The following ATP1A2 variants were observed in gnomAD, a reference collection of about 807,000 sequenced individuals.
ATP1A2 encodes the protein sodium/potassium-transporting ATPase subunit alpha-2.
Under a neutral mutation model 113.1 loss-of-function variants are expected in ATP1A2, and 56 were observed. That is an observed-to-expected ratio of 0.49 (90% confidence interval 0.40 to 0.62). The LOEUF (loss-of-function observed/expected upper bound fraction) is 0.62, where lower values mean the gene tolerates loss of function less well. Among genes scored for constraint, ATP1A2 ranks in the 20% least tolerant of loss-of-function variants. The probability of loss-of-function intolerance (pLI) is 0.00; values close to 1 mark genes in which losing one functional copy is unlikely to be tolerated. For missense variants in ATP1A2, 712 were observed against 1,357.8 expected, an observed-to-expected ratio of 0.52 and a Z score of 7.47; for synonymous variants, 490 against 526.8, an observed-to-expected ratio of 0.93 and a Z score of 0.96.
Position 160,129,980 on chromosome 1 carries a change from T to C in ATP1A2, c.1462-122T>C, listed in dbSNP as rs570201028. On this transcript the variant is annotated intron_variant, in intron 11 of 22. Transcript: ENST00000361216. ...CCCCCCTGCACAAGGAGATTCTCTT[T>C]GTTGACAATCTTTGATGGGTTGGGG... 17 of 1,274,826 alleles carry C rather than the reference T, an allele frequency of 1.3e-5. No homozygotes were observed. In the South Asian group the frequency reaches 2.1e-4, roughly 16 times the overall value. The allele number at this position is 1,274,826 out of a possible 1,614,324, so 79.0% of individuals were successfully genotyped here. A position where few individuals can be genotyped will look rare whatever the true frequency, so the allele number is the denominator to read the frequency against.
intron 13 of ATP1A2, among the ~76,000 whole-genome samples, chr1:160,130,829 A>C (rs1346569168): frequency 6.6e-6 from 1 of 152,156 alleles, no homozygotes; most frequent in Non-Finnish European, 1.5e-5. Flanking sequence ...CCTCCCTGGC[A>C]CAGCTCTTTG....
intron 17 of ATP1A2, 113 bp downstream of exon 17, chr1:160,136,106 G>A (rs1425462879): frequency 1.2e-6 from 2 of 1,600,714 alleles, no homozygotes; most frequent in Non-Finnish European, 1.7e-6. Flanking sequence ...CAGGAGACAG[G>A]CACAGGCCTG....
chr1:160,129,266 C>T lies in ATP1A2; in HGVS notation c.1327C>T (p.Arg443Trp), dbSNP rs1274611333. ...AGQENISVSK[R>W]DTAGDASESA... Reference sequence around the variant, plus strand: ...ACTGAATTCTTGTCTCTTCTGGCAGCGGGACACAGCTGGTGATGCCTCTGA... The same window carrying T: ...ACTGAATTCTTGTCTCTTCTGGCAGTGGGACACAGCTGGTGATGCCTCTGA... The change falls in exon 11 of 23, where the codon CGG becomes TGG. Residue 443 changes from arginine (R) to tryptophan (W), a missense_variant and splice_region_variant. Transcript: ENST00000361216. The T allele has an allele frequency of 5.0e-6, 8 of 1,614,114 alleles. No individual in the cohort carries two copies. Among genetic ancestry groups the T allele is most frequent in the South Asian group, 4.4e-5 (4 of 91,084 alleles).
At position 160,130,052 on chromosome 1, in the gene ATP1A2, G is replaced by A. The variant is rs767448675; in HGVS notation, c.1462-50G>A. On this transcript the variant is annotated intron_variant, in intron 11 of 22. Transcript: ENST00000361216. ...CTTACCAGCTGCTGCTCTATGCCGCGCTACCAAGACAAGTATGGCCCTCTC... is the reference window on the plus strand; with the variant it reads ...CTTACCAGCTGCTGCTCTATGCCGCACTACCAAGACAAGTATGGCCCTCTC... 2.3e-5 allele frequency: 37 copies of A among 1,611,040 alleles called. No homozygotes were observed. The East Asian group carries it at 6.2e-4, about 27-fold the overall frequency.
rs745431386 is a variant in ATP1A2, at chr1:160,123,239, C to T, written c.204C>T (p.Asp68=). 69 of 1,614,098 alleles carry T rather than the reference C, an allele frequency of 4.3e-5. No homozygotes were observed. Among genetic ancestry groups the T allele is most frequent in the Non-Finnish European group, 5.5e-5 (65 of 1,180,048 alleles). The change falls in exon 4 of 23, where the codon GAC becomes GAT. Residue 68 remains aspartate (D), a synonymous_variant. Transcript: ENST00000361216. The part of the protein sequence containing the change: ...SKGLTNQRAQ[D]VLARDGPNAL... The stretch of plus-strand genomic sequence containing the variant: ...GCCTCACCAACCAGCGGGCTCAGGA[C>T]GTTCTGGCTCGAGATGGGCCCAACG...
Position 160,135,419 on chromosome 1 carries a change from C to G in ATP1A2, c.2116-15C>G. 1 of 1,614,142 alleles carries G rather than the reference C, an allele frequency of 6.2e-7. No homozygotes were observed. Among genetic ancestry groups the G allele is most frequent in the South Asian group, 1.1e-5 (1 of 91,072 alleles). On this transcript the variant is annotated splice_polypyrimidine_tract_variant and intron_variant, in intron 15 of 22. Coordinates refer to ENST00000361216, the MANE Select transcript of ATP1A2 (RefSeq NM_000702.4). The surrounding 1 kb of genome is among the most constrained non-coding windows in gnomAD (Gnocchi z 6.3). ...GAAGGGGTTTCGTCCTCAAGTGTGG[C>G]CGTCTTCCCTCCAGGGAGCCATTGT...
At chr1:160,125,808 C>T (rs986003798) in intron 7 of ATP1A2, among the ~76,000 whole-genome samples, 5 of 152,212 alleles carry the variant, frequency 3.3e-5, no homozygotes, top group Non-Finnish European at 7.3e-5. Context: ...CAGTTTGCCC[C>T]ATCCCTGTTC....
chr1:160,137,295 G>A, intron 20 of ATP1A2: 1 of 513,286 alleles, frequency 1.9e-6, no homozygotes, highest in Non-Finnish European at 3.5e-6. Flanking sequence ...TCTCCTACTT[G>A]AGTGCCACCT....
At chr1:160,140,112 G>A in intron 22 of ATP1A2, 128 bp downstream of exon 22, 1 of 980,496 alleles carries the variant, frequency 1.0e-6, no homozygotes, top group Non-Finnish European at 1.6e-6. Context: ...TCAGATCCTG[G>A]GGTCCCAGGT....
intron 7 of ATP1A2, among the ~76,000 whole-genome samples, chr1:160,125,891 A>G (rs771325042): frequency 1.1e-4 from 16 of 152,234 alleles, no homozygotes; most frequent in Admixed American, 8.5e-4. Flanking sequence ...GGGTCCAAGC[A>G]CAACTGAAAC....
chr1:160,135,363 C>T lies in ATP1A2; in HGVS notation c.2115+68C>T. 12 of 1,614,152 alleles carry T rather than the reference C, an allele frequency of 7.4e-6. No individual in the cohort carries two copies. In the South Asian group the frequency reaches 1.3e-4, roughly 18 times the overall value. On this transcript the variant is annotated intron_variant, in intron 15 of 22. Coordinates refer to ENST00000361216, the MANE Select transcript of ATP1A2 (RefSeq NM_000702.4). The surrounding 1 kb of genome is among the most constrained non-coding windows in gnomAD (Gnocchi z 6.3). ...GAGGCAGGGACAGGGCCAAGACAAG[C>T]ATGGAGTGAGAGGCGAGGAGCCAGG... is the stretch of plus-strand genomic sequence containing the variant.
Position 160,135,389 on chromosome 1 carries a change from C to A in ATP1A2, c.2116-45C>A. The A allele has an allele frequency of 6.2e-7, 1 of 1,614,178 alleles. No homozygotes were observed. The highest frequency in any genetic ancestry group is 1.6e-4 in the Middle Eastern group (1 of 6,062). The stretch of plus-strand genomic sequence containing the variant: ...ATGGAGTGAGAGGCGAGGAGCCAGG[C>A]TTGGGAAGGGGTTTCGTCCTCAAGT... On this transcript the variant is annotated intron_variant, in intron 15 of 22. Transcript: ENST00000361216. This position sits in a 1 kb window ranked among gnomAD's most constrained non-coding sequence, Gnocchi z 6.3.
At chr1:160,123,079 C>A in intron 3 of ATP1A2, 134 bp from the exon 4 acceptor site, 2 of 998,836 alleles carry the variant, frequency 2.0e-6, no homozygotes, top group Non-Finnish European at 3.0e-6. Context: ...TCCTGATGGT[C>A]CCCCACCCCT....
intron 13 of ATP1A2, among the ~76,000 whole-genome samples, chr1:160,134,230 C>T (rs1335170855): frequency 2.5e-5 from 2 of 79,434 alleles, no homozygotes; most frequent in Non-Finnish European, 2.9e-5. Context: ...ACACACAATC[C>T]CCACCCACAC....
chr1:160,130,132 C>G lies in ATP1A2; in HGVS notation c.1492C>G (p.Gln498Glu), dbSNP rs970074764. Residue 498 changes from glutamine to glutamate, a missense_variant, in exon 12 of 23, where the codon CAG becomes GAG. Around this residue, in one of 6 missense-constraint regions of ATP1A2, gnomAD observed 263 missense variants for 380.6 expected, o/e 0.69. Transcript: ENST00000361216. ...TATCCACGAGCGAGAAGACAGCCCCCAGAGCCACGTGCTGGTGATGAAGGG... is the reference window on the plus strand; with the variant it reads ...TATCCACGAGCGAGAAGACAGCCCCGAGAGCCACGTGCTGGTGATGAAGGG... ...LSIHEREDSPQSHVLVMKGAP... is the reference protein window; with the variant it reads ...LSIHEREDSPESHVLVMKGAP... 10 of 1,614,240 alleles carry G rather than the reference C, an allele frequency of 6.2e-6. No homozygotes were observed. The highest frequency in any genetic ancestry group is 1.3e-5 in the African/African-American group (1 of 75,058).
In ATP1A2 at chr1:160,130,290, G is replaced by T. The variant is rs775807326; in HGVS notation, c.1650G>T (p.Leu550=). 6.2e-7 allele frequency: 1 copy of T among 1,614,150 alleles called. No individual in the cohort carries two copies. Among genetic ancestry groups the T allele is most frequent in the Non-Finnish European group, 8.5e-7 (1 of 1,180,026 alleles). The change falls in exon 12 of 23, where the codon CTG becomes CTT. Residue 550 remains leucine, a splice_region_variant and synonymous_variant. Coordinates refer to ENST00000361216, the MANE Select transcript of ATP1A2 (RefSeq NM_000702.4). The part of the protein sequence containing the change: ...MELGGLGERV[L]GFCQLNLPSG... Reference sequence around the variant, plus strand: ...TGGGGGGACTTGGGGAGCGTGTGCTGGGTGAGAGGCCAGAAACAGGAGGCT... The same window carrying T: ...TGGGGGGACTTGGGGAGCGTGTGCTTGGTGAGAGGCCAGAAACAGGAGGCT...
intron 6 of ATP1A2, 41 bp downstream of exon 6, chr1:160,124,471 G>C: frequency 1.3e-6 from 2 of 1,578,064 alleles, no homozygotes; most frequent in Non-Finnish European, 1.7e-6. Flanking sequence ...AGTCTAAGGA[G>C]AAGGCTGTGT....
chr1:160,120,452 A>C (rs1385194454), intron 1 of ATP1A2, among the ~76,000 whole-genome samples: 1 of 152,124 alleles, frequency 6.6e-6, no homozygotes, highest in Non-Finnish European at 1.5e-5. Context: ...CTCTCTAAGT[A>C]AAATTGCCAT....
rs142309356 is a variant in ATP1A2, at chr1:160,129,014, G to A, written c.1251G>A (p.Thr417=). The A allele has an allele frequency of 1.9e-5, 31 of 1,610,206 alleles. No homozygotes were observed. In the East Asian group the frequency reaches 2.5e-4, roughly 13 times the overall value. The change falls in exon 10 of 23, where the codon ACG becomes ACA. Residue 417 remains threonine, a synonymous_variant. Coordinates refer to ENST00000361216, the MANE Select transcript of ATP1A2 (RefSeq NM_000702.4). ...ATFDKRSPTW[T]ALSRIAGLCN... ...TTGACAAACGATCCCCTACGTGGACGGCCCTGTCTCGAATTGCTGGTCTCT... is the reference window on the plus strand; with the variant it reads ...TTGACAAACGATCCCCTACGTGGACAGCCCTGTCTCGAATTGCTGGTCTCT...
Sources: gnomAD v4.1 joint callset for allele counts (sites outside exome capture counted in the v4.1 genomes callset) on GRCh38, gnomAD v4.1.1 for gene constraint, gnomAD v4.1.1 regional missense constraint, Gnocchi (gnomAD v3.1) non-coding constraint, MANE v1.5 for transcripts, NCBI Gene and HGNC (gene_info 2026-07-23, HGNC 2026-07-21) for gene names.